INPP5F: variants seen among roughly 807,000 people sequenced by gnomAD.
INPP5F encodes inositol polyphosphate-5-phosphatase F.
Under a neutral mutation model 137.2 loss-of-function variants are expected in INPP5F, and 97 were observed. The observed-to-expected ratio is 0.71, with a 90% CI of 0.60 to 0.84. The LOEUF (loss-of-function observed/expected upper bound fraction) is 0.84. Among genes scored for constraint, INPP5F ranks in the 40% least tolerant of loss-of-function variants. The pLI, the probability that INPP5F is intolerant of heterozygous loss-of-function variation, is 0.00. For missense variants in INPP5F, 1,271 were observed against 1,371.9 expected (o/e 0.93, Z 1.16); for synonymous variants, 504 against 476.9 (o/e 1.06, Z -0.74).
rs192664617 is a variant in INPP5F at position 119,793,945 on chromosome 10, C to T, written c.669+1732C>T. Reference sequence around the variant, plus strand: ...CAGGCATTGATCCACTGCAACTGACCAGAAGAAGAAATCTTTAATCAGTAC... The same window carrying T: ...CAGGCATTGATCCACTGCAACTGACTAGAAGAAGAAATCTTTAATCAGTAC... On this transcript the variant is annotated intron_variant, in intron 6 of 19. Coordinates refer to ENST00000650623, the MANE Select transcript of INPP5F (RefSeq NM_014937.4). Among the ~76,000 whole-genome samples, 96 of 152,336 alleles carry T rather than the reference C, an allele frequency of 6.3e-4. 2 individuals are homozygous for T. Among genetic ancestry groups the T allele is most frequent in the African/African-American group, 2.2e-3 (91 of 41,586 alleles).
At chr10:119,821,586 C>G (rs1056252629) in intron 16 of INPP5F, among the ~76,000 whole-genome samples, 1 of 152,096 alleles carries the variant, frequency 6.6e-6, no homozygotes, top group Non-Finnish European at 1.5e-5. Context: ...GTCATTTGCC[C>G]AGATGCCTGT....
chr10:119,744,312 C>G (rs774418889), intron 1 of INPP5F, among the ~76,000 whole-genome samples: 2 of 152,214 alleles, frequency 1.3e-5, no homozygotes, highest in Non-Finnish European at 2.9e-5. Context: ...GCCCCATTAT[C>G]CTCCATCCTT....
At chr10:119,777,090 C>T (rs986572796) in intron 2 of INPP5F, among the ~76,000 whole-genome samples, 3 of 152,018 alleles carry the variant, frequency 2.0e-5, no homozygotes, top group African/African-American at 7.3e-5. Flanking sequence ...GGGCTGGTGC[C>T]TTGCTGTGTT....
intron 1 of INPP5F, among the ~76,000 whole-genome samples, chr10:119,727,832 C>T (rs888156345): frequency 6.6e-5 from 10 of 152,188 alleles, no homozygotes; most frequent in Admixed American, 3.9e-4. Context: ...GCTTTCTCCC[C>T]TTCCCTCCTT....
intron 1 of INPP5F, among the ~76,000 whole-genome samples, chr10:119,727,822 G>A (rs748883581): frequency 1.3e-5 from 2 of 152,086 alleles, no homozygotes; most frequent in Non-Finnish European, 2.9e-5. Flanking sequence ...CATTTGTCTG[G>A]CTTTCTCCCC....
At chr10:119,744,198 T>C (rs566808520) in intron 1 of INPP5F, among the ~76,000 whole-genome samples, 1 of 152,256 alleles carries the variant, frequency 6.6e-6, no homozygotes, top group Non-Finnish European at 1.5e-5. Flanking sequence ...CTCCCCCCCT[T>C]TTTCTTGACA....
chr10:119,827,849 T>G lies in INPP5F; in HGVS notation c.*69T>G. On this transcript the variant is annotated 3_prime_UTR_variant, in exon 20 of 20. Transcript: ENST00000650623. The stretch of plus-strand genomic sequence containing the variant: ...TGAAATTTTCACCTCTTGGGGTATT[T>G]TAATTGTACTGTCTGAACCCAGGGA... The G allele has an allele frequency of 1.8e-6, 2 of 1,123,840 alleles. No homozygotes were observed. Among genetic ancestry groups the G allele is most frequent in the Non-Finnish European group, 2.5e-6 (2 of 784,792 alleles). The allele number at this position is 1,123,840 out of a possible 1,614,324, so 69.6% of individuals were successfully genotyped here.
intron 3 of INPP5F, among the ~76,000 whole-genome samples, chr10:119,782,348 C>A (rs143726972): frequency 6.6e-6 from 1 of 152,204 alleles, no homozygotes; most frequent in Non-Finnish European, 1.5e-5. Context: ...CCACAAGGTG[C>A]TGCCTCCTAG....
chr10:119,811,887 C>T lies in INPP5F; in HGVS notation c.1818C>T (p.Tyr606=). ...QELISQLLQS[Y]MKLLLPDDEK... ...TAATTAGCCAGCTCTTACAAAGTTACATGAAGTTACTACTGCCTGATGATG... is the reference window on the plus strand; with the variant it reads ...TAATTAGCCAGCTCTTACAAAGTTATATGAAGTTACTACTGCCTGATGATG... Residue 606 remains tyrosine, a synonymous_variant, in exon 15 of 20, where the codon TAC becomes TAT. Transcript: ENST00000650623. The T allele has an allele frequency of 1.9e-6, 3 of 1,614,182 alleles. No homozygotes were observed. Among genetic ancestry groups the T allele is most frequent in the Non-Finnish European group, 2.5e-6 (3 of 1,180,018 alleles).
At chr10:119,775,425 A>T (rs1849491147) in intron 2 of INPP5F, among the ~76,000 whole-genome samples, 1 of 151,952 alleles carries the variant, frequency 6.6e-6, no homozygotes, top group South Asian at 2.1e-4. Flanking sequence ...ATGCTTGGCT[A>T]ATTTTTAAAT....
intron 16 of INPP5F, among the ~76,000 whole-genome samples, chr10:119,821,774 G>A (rs891290951): frequency 5.3e-5 from 8 of 151,286 alleles, no homozygotes; most frequent in Non-Finnish European, 5.9e-5. Context: ...ACACGCGCGC[G>A]CATGTGTTTG....
chr10:119,820,663 TAA>T (rs1329656598), intron 15 of INPP5F, among the ~76,000 whole-genome samples, 181 bp from the exon 16 acceptor site: 3 of 152,220 alleles, frequency 2.0e-5, no homozygotes, highest in Non-Finnish European at 4.4e-5. Context: ...CCTTGTTTTT[TAA>T]AGACTGTCCA....
intron 1 of INPP5F, among the ~76,000 whole-genome samples, chr10:119,730,478 A>G (rs1010193327): frequency 6.6e-6 from 1 of 152,256 alleles, no homozygotes; most frequent in Non-Finnish European, 1.5e-5. Context: ...TTCTGAGAGT[A>G]GAGTCTAATA....
intron 1 of INPP5F, among the ~76,000 whole-genome samples, chr10:119,736,932 T>C (rs946175116): frequency 6.6e-6 from 1 of 152,184 alleles, no homozygotes; most frequent in African/African-American, 2.4e-5. Context: ...CGGGTGATCC[T>C]CCCGCCTCAG....
chr10:119,772,911 A>G (rs1849409504), intron 2 of INPP5F, among the ~76,000 whole-genome samples: 2 of 149,688 alleles, frequency 1.3e-5, no homozygotes, highest in Admixed American at 6.6e-5. Context: ...CACCATGCCC[A>G]GCTAATTTTT....
At chr10:119,815,600 C>A in intron 15 of INPP5F, 1 of 267,660 alleles carries the variant, frequency 3.7e-6, no homozygotes, top group South Asian at 5.0e-5. Flanking sequence ...CAGAGTGGTT[C>A]TGTCTGTTGG....
rs1429139829 is a variant in INPP5F, at chr10:119,748,368, A to G, written c.98-2708A>G. ...AGAGCCCCTAGGTCTGGTGTTCCCG[A>G]AGGGCCGCAGCCCTTTCCTCCTTGT... On this transcript the variant is annotated intron_variant, in intron 1 of 19. Coordinates refer to ENST00000650623, the MANE Select transcript of INPP5F (RefSeq NM_014937.4). This position sits in a 1 kb window ranked among gnomAD's most constrained non-coding sequence, Gnocchi z 4.7. Among the ~76,000 whole-genome samples the G allele has an allele frequency of 6.6e-6, 1 of 152,144 alleles. No homozygotes were observed.
intron 2 of INPP5F, among the ~76,000 whole-genome samples, chr10:119,770,220 G>A (rs970050393): frequency 6.6e-6 from 1 of 152,078 alleles, no homozygotes; most frequent in Admixed American, 6.6e-5. Flanking sequence ...TTCCCCCATT[G>A]TAATATGTTT....
At chr10:119,735,703 A>G (rs1418925974) in intron 1 of INPP5F, among the ~76,000 whole-genome samples, 1 of 152,210 alleles carries the variant, frequency 6.6e-6, no homozygotes, top group Non-Finnish European at 1.5e-5. Flanking sequence ...GACTTCCAGA[A>G]TTCATCTGTG....
Sources: gnomAD v4.1 joint callset for allele counts (sites outside exome capture counted in the v4.1 genomes callset) on GRCh38, gnomAD v4.1.1 for gene constraint, Gnocchi (gnomAD v3.1) non-coding constraint, MANE v1.5 for transcripts, NCBI Gene and HGNC (gene_info 2026-07-23, HGNC 2026-07-21) for gene names.